The following DOK4 variants were observed in gnomAD, a reference collection of about 807,000 sequenced individuals.
DOK4 encodes the protein downstream of tyrosine kinase 4.
A neutral mutation model predicts 40.1 loss-of-function variants in DOK4; 26 were observed. The ratio of observed to expected loss-of-function variants is 0.65; its 90% CI spans 0.48 to 0.90. DOK4 has a LOEUF of 0.90. Ranked by LOEUF, DOK4 falls within the 40% of genes least tolerant of loss-of-function variation. The pLI is 0.00. For synonymous variants in DOK4, 179 were observed against 177.0 expected, an observed-to-expected ratio of 1.01 and a Z score of -0.09; for missense variants, 392 against 437.2, an observed-to-expected ratio of 0.90 and a Z score of 0.92.
chr16:57,481,806 A>T (rs746501872), intron 1 of DOK4: 4 of 152,260 alleles, frequency 2.6e-5, no homozygotes, highest in Non-Finnish European at 5.9e-5. Flanking sequence ...TTAAATGAGG[A>T]AATGAATTCA....
At chr16:57,476,248 A>C in intron 2 of DOK4, 1 of 417,942 alleles carries the variant, frequency 2.4e-6, no homozygotes, top group South Asian at 2.6e-5. Flanking sequence ...GTTTAGTGTG[A>C]GTAGCCAACG....
At position 57,475,047 on chromosome 16, in the gene DOK4, T is replaced by TCCC; in HGVS notation, c.409+52_409+53insGGG. 5.8e-6 allele frequency: 9 copies of TCCC among 1,549,118 alleles called. No homozygotes were observed. The African/African-American group carries it at 8.1e-5, about 14-fold the overall frequency. On this transcript the variant is annotated intron_variant, in intron 5 of 8. Transcript: ENST00000340099. ...CCCAGATGGGGACTTCCTCCCTCCC[T>TCCC]TCCTCTCTTCCTCCTCCCCCTCCCC...
At chr16:57,486,806 G>A (rs561598550), upstream of DOK4, among the ~76,000 whole-genome samples, 59 of 150,054 alleles carry the variant, frequency 3.9e-4, no homozygotes, top group African/African-American at 1.5e-3. Flanking sequence ...TCAGCTCCCA[G>A]CCCCCATATC....
At chr16:57,475,956 A>G in exon 3 of DOK4, 1 of 1,611,860 alleles carries the variant, frequency 6.2e-7, no homozygotes, top group Non-Finnish European at 8.5e-7. Context: ...CCTCCGGTAG[A>G]TCTGTGGAGC....
chr16:57,475,252 A>G (rs223877), intron 4 of DOK4, 33 bp from the exon 5 acceptor site: 1,180,110 of 1,598,826 alleles, frequency 0.74, 439,740 homozygotes, highest in African/African-American at 0.94. Flanking sequence ...ATGCAGCTCC[A>G]GAGCCCGGTA....
At chr16:57,481,969 A>G (rs1297431616) in intron 1 of DOK4, 1 of 151,932 alleles carries the variant, frequency 6.6e-6, no homozygotes, top group African/African-American at 2.4e-5. Flanking sequence ...GGTTCACGCC[A>G]TTCTCCTGCC....
chr16:57,480,618 T>C (rs1488314829), intron 1 of DOK4, among the ~76,000 whole-genome samples: 2 of 152,034 alleles, frequency 1.3e-5, no homozygotes, highest in African/African-American at 4.8e-5. Context: ...CAGGAGTTAA[T>C]TATAGGAGTA....
intron 7 of DOK4, 47 bp downstream of exon 7, chr16:57,473,854 C>A: frequency 6.3e-7 from 1 of 1,576,898 alleles, no homozygotes; most frequent in Non-Finnish European, 8.6e-7. Context: ...GCCTGCCCGC[C>A]CGTTCCCCCC....
At position 57,482,371 on chromosome 16, in the gene DOK4, T is replaced by TTG. The variant is rs1555517006; in HGVS notation, c.-181-2684_-181-2683insCA. The stretch of plus-strand genomic sequence containing the variant: ...GTAGAGATGGGGCTTTTGTTTTTTT[T>TTG]TTTTTTTTTTTTTGAGACGGAGTCT... On this transcript the variant is annotated intron_variant, in intron 1 of 8. Coordinates refer to ENST00000340099, the Ensembl canonical transcript of DOK4. 3.9e-4 allele frequency among the ~76,000 whole-genome samples: 55 copies of TTG among 142,470 alleles called. No individual in the cohort carries two copies. The East Asian group carries it at 0.011, about 29-fold the overall frequency. 93.5% of individuals were successfully genotyped at this position (142,470 alleles called of 152,430 possible). A position where few individuals can be genotyped will look rare whatever the true frequency, so the allele number is the denominator to read the frequency against.
In DOK4 at chr16:57,485,643, C is replaced by T. The variant is rs2031520807; in HGVS notation, c.-182+662G>A. Among the ~76,000 whole-genome samples, 1 of 152,242 alleles carries T rather than the reference C, an allele frequency of 6.6e-6. No individual in the cohort carries two copies. The highest frequency in any genetic ancestry group is 2.1e-4 in the South Asian group (1 of 4,836). The stretch of plus-strand genomic sequence containing the variant: ...GGGGCAGGCAGGCTGCACAGAGCCC[C>T]TGCTCTGCCACATCACCCAGGTGCC... On this transcript the variant is annotated intron_variant, in intron 1 of 8. Coordinates refer to ENST00000340099, the Ensembl canonical transcript of DOK4. The surrounding 1 kb of genome is among the most constrained non-coding windows in gnomAD (Gnocchi z 4.3).
chr16:57,479,608 T>G lies in DOK4; in HGVS notation c.-101A>C. 3 of 1,336,478 alleles carry G rather than the reference T, an allele frequency of 2.2e-6. No homozygotes were observed. The highest frequency in any genetic ancestry group is 1.2e-5 in the South Asian group (1 of 83,130). 82.8% of individuals were successfully genotyped at this position (1,336,478 alleles called of 1,614,324 possible). A position where few individuals can be genotyped will look rare whatever the true frequency, so the allele number is the denominator to read the frequency against. ...TCCTCCAATCACCTGTTCCAGACAC[T>G]CTGTCGGGGCTGCCGCGAGGGGCTG... On this transcript the variant is annotated 5_prime_UTR_variant, in exon 2 of 9. Coordinates refer to ENST00000340099, the Ensembl canonical transcript of DOK4. This position sits in a 1 kb window ranked among gnomAD's most constrained non-coding sequence, Gnocchi z 5.8.
upstream of DOK4, chr16:57,486,504 C>A (rs1342903911): frequency 6.6e-6 from 1 of 151,878 alleles, no homozygotes; most frequent in South Asian, 2.0e-4. Flanking sequence ...GCTCCGCTCC[C>A]CCCTCCGCCA....
rs1567588107 is a variant in DOK4 at position 57,474,992 on chromosome 16, G to A, written c.410-10C>T. 6.2e-7 allele frequency: 1 copy of A among 1,603,824 alleles called. No homozygotes were observed. Among genetic ancestry groups the A allele is most frequent in the Non-Finnish European group, 8.5e-7 (1 of 1,173,096 alleles). ...AAGACATTGAAGCGATCTGGAGTGG[G>A]GGAGGGTGGACAAGTGGGACCAGAG... On this transcript the variant is annotated splice_polypyrimidine_tract_variant and intron_variant, in intron 5 of 8. Coordinates refer to ENST00000340099, the Ensembl canonical transcript of DOK4.
intron 6 of DOK4, 149 bp from the exon 7 acceptor site, chr16:57,474,188 G>A (rs1254658313): frequency 3.0e-6 from 3 of 1,006,140 alleles, no homozygotes; most frequent in African/African-American, 1.6e-5. Context: ...ACCACACGGT[G>A]CAAATGTGCT....
rs1215679818 is a variant in DOK4, at chr16:57,485,280, G to A, written c.-182+1025C>T. 2.0e-5 allele frequency among the ~76,000 whole-genome samples: 3 copies of A among 152,246 alleles called. No homozygotes were observed. Among genetic ancestry groups the A allele is most frequent in the Admixed American group, 2.0e-4 (3 of 15,286 alleles). ...GTTGGGCGGCCCCACCTTGGCCAGG[G>A]TTGTGGGGTGAGGTCATGCCCAGCC... On this transcript the variant is annotated intron_variant, in intron 1 of 8. Transcript: ENST00000340099. The surrounding 1 kb of genome is among the most constrained non-coding windows in gnomAD (Gnocchi z 4.3).
intron 2 of DOK4, among the ~76,000 whole-genome samples, chr16:57,476,791 T>A (rs2031200072): frequency 6.6e-6 from 1 of 152,186 alleles, no homozygotes; most frequent in South Asian, 2.1e-4. Flanking sequence ...TACCTTAAAC[T>A]ACCTACATTC....
intron 2 of DOK4, 186 bp from the exon 3 acceptor site, chr16:57,476,143 C>A: frequency 1.7e-6 from 1 of 595,402 alleles, no homozygotes; most frequent in Non-Finnish European, 3.0e-6. Flanking sequence ...AGCCTCCTCC[C>A]CAAATTGAAA....
intron 2 of DOK4, among the ~76,000 whole-genome samples, chr16:57,477,061 G>A (rs1567589676): frequency 1.3e-5 from 2 of 152,226 alleles, no homozygotes; most frequent in Non-Finnish European, 1.5e-5. Flanking sequence ...CATCTCTGGT[G>A]TTCCTCTTAC....
chr16:57,475,730 C>T, intron 3 of DOK4, 110 bp from the exon 4 acceptor site: 2 of 670,968 alleles, frequency 3.0e-6, no homozygotes, highest in South Asian at 1.6e-5. Flanking sequence ...CTCCTTCTCT[C>T]TCCTCCTCTC....
Sources: gnomAD v4.1 joint callset for allele counts (sites outside exome capture counted in the v4.1 genomes callset) on GRCh38, gnomAD v4.1.1 for gene constraint, Gnocchi (gnomAD v3.1) non-coding constraint, MANE v1.5 for transcripts, NCBI Gene and HGNC (gene_info 2026-07-23, HGNC 2026-07-21) for gene names.